Variants in CFAP418 observed in about 807,000 individuals in gnomAD.
The protein encoded by CFAP418 is cilia- and flagella-associated protein 418.
Under a neutral mutation model 24.7 loss-of-function variants are expected in CFAP418, and 27 were observed. That is an observed-to-expected ratio of 1.09 (90% CI 0.81 to 1.51). The LOEUF (loss-of-function observed/expected upper bound fraction) is 1.51, where lower values mean the gene tolerates loss of function less well. CFAP418 is among the 40% of genes most tolerant of loss of function. The pLI, the probability that CFAP418 is intolerant of heterozygous loss-of-function variation, is 0.00. For missense variants in CFAP418, 257 were observed against 255.2 expected (o/e 1.01, Z -0.05); for synonymous variants, 74 against 87.3 (o/e 0.85, Z 0.85).
At chr8:95,254,899 T>A (rs1365467929) in intron 4 of CFAP418, among the ~76,000 whole-genome samples, 3 of 152,234 alleles carry the variant, frequency 2.0e-5, no homozygotes, top group Non-Finnish European at 4.4e-5. Flanking sequence ...CAAGGCACCT[T>A]ATTTGGGAGT....
chr8:95,266,650 T>C (rs1811984237), intron 1 of CFAP418, among the ~76,000 whole-genome samples: 1 of 152,202 alleles, frequency 6.6e-6, no homozygotes, highest in African/African-American at 2.4e-5. Flanking sequence ...TAAACCAGGT[T>C]GGGACTATAT....
At chr8:95,255,914 A>C (rs1811780078) in intron 4 of CFAP418, among the ~76,000 whole-genome samples, 1 of 152,232 alleles carries the variant, frequency 6.6e-6, no homozygotes, top group African/African-American at 2.4e-5. Context: ...ATTCTGTTTC[A>C]TGAAAGGGGC....
At chr8:95,251,678 C>T (rs1158078919) in intron 5 of CFAP418, among the ~76,000 whole-genome samples, 1 of 152,112 alleles carries the variant, frequency 6.6e-6, no homozygotes, top group East Asian at 1.9e-4. Flanking sequence ...CCAGAAGTAA[C>T]ATGTCCTTAT....
intron 1 of CFAP418, 99 bp downstream of exon 1, chr8:95,268,936 G>A (rs1160303334): frequency 2.8e-5 from 37 of 1,332,486 alleles, no homozygotes; most frequent in Non-Finnish European, 3.8e-5. Context: ...GGGGCTGGAG[G>A]TCGCGGGCAC....
intron 5 of CFAP418, among the ~76,000 whole-genome samples, chr8:95,250,235 A>G (rs1021633149): frequency 6.6e-6 from 1 of 152,236 alleles, no homozygotes; most frequent in African/African-American, 2.4e-5. Context: ...TCTCCCAAAC[A>G]TATTCCTAAG....
At chr8:95,248,569 T>G (rs1811661977) in intron 5 of CFAP418, among the ~76,000 whole-genome samples, 1 of 152,286 alleles carries the variant, frequency 6.6e-6, no homozygotes, top group South Asian at 2.1e-4. Flanking sequence ...GAAATAAATA[T>G]TAATAATGTT....
At position 95,247,364 on chromosome 8, in the gene CFAP418, A is replaced by G. The variant is rs1309750518; in HGVS notation, c.*253T>C. 1 of 471,018 alleles carries G rather than the reference A, an allele frequency of 2.1e-6. No homozygotes were observed. Among genetic ancestry groups the G allele is most frequent in the Non-Finnish European group, 3.8e-6 (1 of 264,716 alleles). 29.2% of individuals were successfully genotyped at this position (471,018 alleles called of 1,614,324 possible). A position where few individuals can be genotyped will look rare whatever the true frequency, so the allele number is the denominator to read the frequency against. On this transcript the variant is annotated 3_prime_UTR_variant, in exon 6 of 6. Transcript: ENST00000286688. ...CATAATCAAACCTCTATTAAACAGA[A>G]GACAGATTAGTAAAGAATGTAGATG...
At chr8:95,249,334 T>C (rs1811674162) in intron 5 of CFAP418, among the ~76,000 whole-genome samples, 1 of 152,208 alleles carries the variant, frequency 6.6e-6, no homozygotes, top group Admixed American at 6.5e-5. Flanking sequence ...TGTGGCAAGG[T>C]GGTCAGTAAG....
At chr8:95,261,171 C>A (rs1369087337) in intron 2 of CFAP418, among the ~76,000 whole-genome samples, 3 of 152,108 alleles carry the variant, frequency 2.0e-5, no homozygotes, top group Non-Finnish European at 2.9e-5. Flanking sequence ...ACTAGGACCA[C>A]CGCCAAGGAG....
At position 95,247,230 on chromosome 8, in the gene CFAP418, G is replaced by A; in HGVS notation, c.*387C>T. 1 of 187,562 alleles carries A rather than the reference G, an allele frequency of 5.3e-6. No homozygotes were observed. The highest frequency in any genetic ancestry group is 9.3e-5 in the South Asian group (1 of 10,702). 11.6% of individuals were successfully genotyped at this position (187,562 alleles called of 1,614,324 possible). ...CACCCCTAAATGATCTCTTTGCCCT[G>A]GCCGGCTTTATCCACTTTAACTGCT... On this transcript the variant is annotated 3_prime_UTR_variant, in exon 6 of 6. Coordinates refer to ENST00000286688, the MANE Select transcript of CFAP418 (RefSeq NM_177965.4).
intron 4 of CFAP418, among the ~76,000 whole-genome samples, chr8:95,257,330 C>A (rs181381422): frequency 3.9e-5 from 6 of 152,152 alleles, no homozygotes; most frequent in Admixed American, 6.5e-5. Context: ...ACTATTAATT[C>A]TTCTTTATAG....
At chr8:95,252,117 G>A (rs1438053132) in intron 5 of CFAP418, 71 bp downstream of exon 5, 10 of 1,174,988 alleles carry the variant, frequency 8.5e-6, no homozygotes, top group South Asian at 1.3e-5. Context: ...TCCACCCAGA[G>A]AGAATATATC....
chr8:95,255,122 C>A (rs1248429027), intron 4 of CFAP418, among the ~76,000 whole-genome samples: 4 of 152,308 alleles, frequency 2.6e-5, no homozygotes, highest in Middle Eastern at 6.8e-3. Flanking sequence ...AACTCCCAAG[C>A]CATTTTCTGC....
At chr8:95,248,161 T>C (rs1023728652) in intron 5 of CFAP418, among the ~76,000 whole-genome samples, 23 of 152,306 alleles carry the variant, frequency 1.5e-4, no homozygotes, top group African/African-American at 5.5e-4. Flanking sequence ...ATCTTCCCCG[T>C]ATCTGAACAC....
intron 4 of CFAP418, among the ~76,000 whole-genome samples, chr8:95,255,224 A>T (rs1368382914): frequency 6.6e-6 from 1 of 151,942 alleles, no homozygotes; most frequent in African/African-American, 2.4e-5. Flanking sequence ...GGATTACAGG[A>T]CCCTAAGCCA....
At position 95,260,415 on chromosome 8, in the gene CFAP418, T is replaced by C. The variant is rs924449009; in HGVS notation, c.308+53A>G. The C allele has an allele frequency of 2.4e-6, 3 of 1,262,144 alleles. No individual in the cohort carries two copies. In the African/African-American group the frequency reaches 4.7e-5, roughly 20 times the overall value. 78.2% of individuals were successfully genotyped at this position (1,262,144 alleles called of 1,614,324 possible). A position where few individuals can be genotyped will look rare whatever the true frequency, so the allele number is the denominator to read the frequency against. ...GGTAACAAAATCTACTAGACTATGC[T>C]CATAGTGTTTGCTCAATAGTGTGTA... On this transcript the variant is annotated intron_variant, in intron 3 of 5. Coordinates refer to ENST00000286688, the MANE Select transcript of CFAP418 (RefSeq NM_177965.4).
At chr8:95,265,118 C>A (rs1811955542) in intron 1 of CFAP418, among the ~76,000 whole-genome samples, 2 of 152,030 alleles carry the variant, frequency 1.3e-5, no homozygotes, top group African/African-American at 4.8e-5. Flanking sequence ...TCAGATAATT[C>A]TCTGGGGTGT....
chr8:95,268,922 A>G lies in CFAP418; in HGVS notation c.155+113T>C, dbSNP rs1812082816. ...CGCTGAGGGTCTGAACCCTGATGCAAGGAGGGGCTGGAGGTCGCGGGCACG... is the reference window on the plus strand; with the variant it reads ...CGCTGAGGGTCTGAACCCTGATGCAGGGAGGGGCTGGAGGTCGCGGGCACG... On this transcript the variant is annotated intron_variant, in intron 1 of 5. Coordinates refer to ENST00000286688, the MANE Select transcript of CFAP418 (RefSeq NM_177965.4). The G allele has an allele frequency of 2.5e-6, 3 of 1,179,100 alleles. No homozygotes were observed. The East Asian group carries it at 7.1e-5, about 28-fold the overall frequency. The allele number at this position is 1,179,100 out of a possible 1,614,324, so 73.0% of individuals were successfully genotyped here.
intron 4 of CFAP418, among the ~76,000 whole-genome samples, chr8:95,258,274 C>T (rs1290012204): frequency 2.7e-5 from 4 of 148,078 alleles, no homozygotes; most frequent in African/African-American, 7.5e-5. Flanking sequence ...CCCAGCTGCT[C>T]GGGAGGCTGA....
Sources: gnomAD v4.1 joint callset for allele counts (sites outside exome capture counted in the v4.1 genomes callset) on GRCh38, gnomAD v4.1.1 for gene constraint, MANE v1.5 for transcripts, NCBI Gene and HGNC (gene_info 2026-07-23, HGNC 2026-07-21) for gene names.